Variants in EYS observed in about 807,000 individuals in gnomAD.
EYS encodes the protein EGF-like photoreceptor maintenance factor.
EYS carries 250 observed loss-of-function variants against 282.1 expected under a neutral mutation model. That is an observed-to-expected ratio of 0.89 (90% confidence interval 0.80 to 0.98). The LOEUF (loss-of-function observed/expected upper bound fraction) is 0.98. Among genes scored for constraint, EYS ranks in the 50% least tolerant of loss-of-function variants. EYS has a pLI of 0.00. For missense variants in EYS, 4,016 were observed against 3,709.0 expected (o/e 1.08, Z -2.15); for synonymous variants, 1,355 against 1,282.9 (o/e 1.06, Z -1.20).
At chr6:65,280,118 G>A (rs954316418) in intron 12 of EYS, among the ~76,000 whole-genome samples, 1 of 152,120 alleles carries the variant, frequency 6.6e-6, no homozygotes, top group Non-Finnish European at 1.5e-5. Flanking sequence ...TCTCAGAGGA[G>A]CTTTATTTTA....
chr6:64,068,948 T>C (rs1371342461), intron 32 of EYS, among the ~76,000 whole-genome samples: 2 of 141,234 alleles, frequency 1.4e-5, no homozygotes, highest in East Asian at 4.3e-4. Context: ...GCCTTAAACA[T>C]AGACACAAGT....
chr6:63,888,515 C>T (rs1049167733), intron 35 of EYS, among the ~76,000 whole-genome samples: 5 of 152,180 alleles, frequency 3.3e-5, no homozygotes, highest in Non-Finnish European at 5.9e-5. Context: ...GAGTGGACCC[C>T]CAGCAAACTC....
At chr6:64,391,829 G>A (rs576674175) in intron 28 of EYS, among the ~76,000 whole-genome samples, 59 of 152,210 alleles carry the variant, frequency 3.9e-4, no homozygotes, top group African/African-American at 1.4e-3. Context: ...ACAAAGACTG[G>A]CAAATTGGGT....
chr6:64,103,415 C>T (rs970863605), intron 31 of EYS, among the ~76,000 whole-genome samples: 3 of 152,130 alleles, frequency 2.0e-5, no homozygotes, highest in African/African-American at 7.2e-5. Flanking sequence ...TCCACTCTAA[C>T]TGGGAAGTTA....
At chr6:65,575,207 A>G (rs1764618799) in intron 2 of EYS, among the ~76,000 whole-genome samples, 1 of 151,840 alleles carries the variant, frequency 6.6e-6, no homozygotes, top group African/African-American at 2.4e-5. Context: ...CACACTTGTA[A>G]CCCCACCTAC....
chr6:65,616,952 C>G (rs1019905516), intron 2 of EYS, among the ~76,000 whole-genome samples: 1 of 151,862 alleles, frequency 6.6e-6, no homozygotes. Context: ...CTTATTTATA[C>G]GAATTAAGTA....
At chr6:63,772,660 C>T (rs1009473937) in intron 40 of EYS, among the ~76,000 whole-genome samples, 1 of 152,088 alleles carries the variant, frequency 6.6e-6, no homozygotes, top group Non-Finnish European at 1.5e-5. Context: ...ATGCTACCAA[C>T]TTGAAGTACA....
intron 30 of EYS, among the ~76,000 whole-genome samples, chr6:64,292,638 G>A (rs1024241986): frequency 6.6e-6 from 1 of 151,854 alleles, no homozygotes; most frequent in African/African-American, 2.4e-5. Flanking sequence ...TTTTTGTGCT[G>A]TTTTCTGAAA....
At chr6:65,543,383 A>G (rs6939243) in intron 2 of EYS, among the ~76,000 whole-genome samples, 110,233 of 147,604 alleles carry the variant, frequency 0.75, 41,943 homozygotes, top group African/African-American at 0.89. Context: ...TATATATTAT[A>G]TAATTATATA....
intron 26 of EYS, among the ~76,000 whole-genome samples, chr6:64,540,475 ATTTTT>A (rs397888030): frequency 0.013 from 1,098 of 83,500 alleles, 12 homozygotes; most frequent in African/African-American, 0.047. Flanking sequence ...CCAAGTACAG[ATTTTT>A]TTTTTTTTTT....
Position 65,637,519 on chromosome 6 carries a change from G to A in EYS, c.-333+2259C>T, listed in dbSNP as rs139365915. 3.9e-3 allele frequency among the ~76,000 whole-genome samples: 600 copies of A among 152,246 alleles called. 5 individuals carry two copies. Among genetic ancestry groups the A allele is most frequent in the African/African-American group, 0.014 (566 of 41,550 alleles). On this transcript the variant is annotated intron_variant, in intron 2 of 42. Transcript: ENST00000503581. ...TACTTAGTTGATGAGGCAGAAGCCC[G>A]TGCTCCCTGGCACAGCTGCAGCCAC...
intron 36 of EYS, among the ~76,000 whole-genome samples, chr6:63,855,313 C>T (rs1407587978): frequency 6.6e-6 from 1 of 152,146 alleles, no homozygotes; most frequent in Admixed American, 6.5e-5. Flanking sequence ...TGGGTTATTA[C>T]ACAGATTATA....
intron 12 of EYS, among the ~76,000 whole-genome samples, chr6:65,206,258 T>G (rs1444756538): frequency 6.6e-6 from 1 of 151,612 alleles, no homozygotes; most frequent in African/African-American, 2.4e-5. Context: ...AGTGTGAACA[T>G]CAGCTGTATG....
intron 1 of EYS, among the ~76,000 whole-genome samples, chr6:65,701,380 T>C (rs751508450): frequency 5.9e-5 from 9 of 152,114 alleles, no homozygotes; most frequent in Non-Finnish European, 1.0e-4. Context: ...CATGGGAAAA[T>C]TGAAAATAAA....
chr6:64,726,411 C>T (rs1241204111), intron 22 of EYS, among the ~76,000 whole-genome samples: 1 of 152,068 alleles, frequency 6.6e-6, no homozygotes, highest in Non-Finnish European at 1.5e-5. Flanking sequence ...GTAAAATTCT[C>T]TAATCTTTTA....
chr6:64,676,351 T>TATATATAG (rs1554192088), intron 22 of EYS, among the ~76,000 whole-genome samples: 1 of 145,460 alleles, frequency 6.9e-6, no homozygotes, highest in Non-Finnish European at 1.5e-5. Context: ...TATATATATA[T>TATATATAG]AGAGAGAGAG....
intron 29 of EYS, among the ~76,000 whole-genome samples, chr6:64,353,092 A>G (rs565914487): frequency 6.6e-6 from 1 of 151,652 alleles, no homozygotes; most frequent in African/African-American, 2.4e-5. Flanking sequence ...CACACACAAA[A>G]TAATTATAAT....
chr6:65,385,263 GATTT>G (rs2150352436), intron 7 of EYS, among the ~76,000 whole-genome samples: 1 of 151,982 alleles, frequency 6.6e-6, no homozygotes, highest in African/African-American at 2.4e-5. Flanking sequence ...GGTAGAAGCT[GATTT>G]ATTAATGAAG....
intron 29 of EYS, among the ~76,000 whole-genome samples, chr6:64,334,479 T>C (rs890019232): frequency 3.3e-5 from 5 of 152,272 alleles, no homozygotes; most frequent in African/African-American, 1.2e-4. Context: ...GCTGGAAAGA[T>C]AATGAATGGC....
Sources: gnomAD v4.1 joint callset for allele counts (sites outside exome capture counted in the v4.1 genomes callset) on GRCh38, gnomAD v4.1.1 for gene constraint, MANE v1.5 for transcripts, NCBI Gene and HGNC (gene_info 2026-07-23, HGNC 2026-07-21) for gene names.